The following CIMIP6 variants were observed in gnomAD, a reference collection of about 807,000 sequenced individuals.
CIMIP6 encodes the protein ciliary microtubule inner protein 6, also known as uncharacterized protein C2orf73.
the CIMIP6 span, among the ~76,000 whole-genome samples, chr2:54,340,465 G>A: frequency 1.3e-5 from 2 of 152,310 alleles, no homozygotes; most frequent in South Asian, 4.1e-4. Flanking sequence ...GCACGCACAT[G>A]TTGCATGGGC....
At chr2:54,349,606 A>G in the CIMIP6 span, among the ~76,000 whole-genome samples, 1 of 152,222 alleles carries the variant, frequency 6.6e-6, no homozygotes, top group Non-Finnish European at 1.5e-5. Context: ...TCAAGTAATT[A>G]CTTTGGGTAC....
the CIMIP6 span, among the ~76,000 whole-genome samples, chr2:54,378,522 A>G: frequency 6.6e-6 from 1 of 152,210 alleles, no homozygotes; most frequent in African/African-American, 2.4e-5. Context: ...GTTTTGAAAG[A>G]TATTTGGGAA....
chr2:54,353,253 A>G, the CIMIP6 span, among the ~76,000 whole-genome samples: 1 of 152,156 alleles, frequency 6.6e-6, no homozygotes, highest in South Asian at 2.1e-4. Flanking sequence ...CACCTTAGGC[A>G]GCTGTAATGT....
the CIMIP6 span, among the ~76,000 whole-genome samples, chr2:54,337,470 T>C: frequency 6.6e-6 from 1 of 152,216 alleles, no homozygotes; most frequent in Non-Finnish European, 1.5e-5. Context: ...AAAATCCAGA[T>C]TAGTGAAGTT....
chr2:54,356,423 A>G, the CIMIP6 span, among the ~76,000 whole-genome samples: 4 of 152,204 alleles, frequency 2.6e-5, no homozygotes, highest in African/African-American at 9.6e-5. Flanking sequence ...CAGATTTTAA[A>G]AGCTCTCCCA....
At chr2:54,357,979 C>A in the CIMIP6 span, among the ~76,000 whole-genome samples, 1 of 152,104 alleles carries the variant, frequency 6.6e-6, no homozygotes, top group African/African-American at 2.4e-5. Flanking sequence ...GAAAGTTGCT[C>A]TGATCTTTAA....
the CIMIP6 span, among the ~76,000 whole-genome samples, chr2:54,377,817 CA>C: frequency 6.6e-5 from 10 of 152,300 alleles, no homozygotes; most frequent in African/African-American, 2.2e-4. Context: ...TGCTCTGTGT[CA>C]AGGTGTAATT....
the CIMIP6 span, among the ~76,000 whole-genome samples, chr2:54,347,567 G>C: frequency 5.3e-5 from 8 of 152,220 alleles, no homozygotes; most frequent in Admixed American, 1.3e-4. Context: ...AAGGGATGTA[G>C]AAGAGTGGTG....
At chr2:54,382,069 G>A in the CIMIP6 span, 2 of 1,393,508 alleles carry the variant, frequency 1.4e-6, no homozygotes, top group East Asian at 2.8e-5. Flanking sequence ...TGGCTGAAGA[G>A]AACTTAATAA....
the CIMIP6 span, among the ~76,000 whole-genome samples, chr2:54,354,175 G>C: frequency 4.3e-4 from 65 of 152,158 alleles, 2 homozygotes; most frequent in Non-Finnish European, 4.4e-5. Context: ...AAATGAGTTT[G>C]TCTGCAAGCT....
At chr2:54,338,233 A>AAACCTTCCTGGGC in the CIMIP6 span, among the ~76,000 whole-genome samples, 4 of 152,196 alleles carry the variant, frequency 2.6e-5, no homozygotes, top group East Asian at 3.9e-4. Flanking sequence ...CAGGAGTTTG[A>AAACCTTCCTGGGC]AACCTTCCTG....
chr2:54,342,854 T>C, the CIMIP6 span, among the ~76,000 whole-genome samples: 2 of 152,038 alleles, frequency 1.3e-5, no homozygotes, highest in Non-Finnish European at 1.5e-5. Context: ...AACTCCTAGG[T>C]GTCATAGGGT....
the CIMIP6 span, chr2:54,360,475 G>T: frequency 2.5e-6 from 4 of 1,577,826 alleles, no homozygotes; most frequent in Non-Finnish European, 1.7e-6. Flanking sequence ...GCAGAGAAAA[G>T]ACCTCAGGCG....
the CIMIP6 span, among the ~76,000 whole-genome samples, chr2:54,346,021 G>A: frequency 6.6e-6 from 1 of 152,120 alleles, no homozygotes; most frequent in East Asian, 1.9e-4. Context: ...TATTTGGCAC[G>A]GATACTAAAC....
At chr2:54,334,233 G>A in the CIMIP6 span, among the ~76,000 whole-genome samples, 1 of 151,964 alleles carries the variant, frequency 6.6e-6, no homozygotes, top group Non-Finnish European at 1.5e-5. Flanking sequence ...TTTTATTTTA[G>A]TAATTTTCGT....
the CIMIP6 span, among the ~76,000 whole-genome samples, chr2:54,376,390 G>GT: frequency 1.3e-5 from 2 of 152,082 alleles, no homozygotes; most frequent in South Asian, 4.2e-4. Context: ...TCCTGTCGTC[G>GT]TAAGTACCAA....
At chr2:54,347,815 C>A in the CIMIP6 span, among the ~76,000 whole-genome samples, 1 of 152,144 alleles carries the variant, frequency 6.6e-6, no homozygotes, top group Admixed American at 6.5e-5. Context: ...GTGATGCCTC[C>A]CGATTCCCAG....
chr2:54,336,916 T>C, the CIMIP6 span, among the ~76,000 whole-genome samples: 1 of 152,226 alleles, frequency 6.6e-6, no homozygotes, highest in Non-Finnish European at 1.5e-5. Flanking sequence ...TCTACTGCTC[T>C]CTGCACAGTG....
At chr2:54,333,123 T>C in the CIMIP6 span, among the ~76,000 whole-genome samples, 3 of 152,246 alleles carry the variant, frequency 2.0e-5, no homozygotes, top group Non-Finnish European at 2.9e-5. Context: ...CTTTTCCTGA[T>C]GTTGGGCACA....
Sources: allele counts gnomAD v4.1 joint callset (sites outside exome capture counted in the v4.1 genomes callset), GRCh38; gene constraint gnomAD v4.1.1; transcripts MANE v1.5; gene names NCBI Gene and HGNC (gene_info 2026-07-23, HGNC 2026-07-21).